Variants in DCAF1 observed in about 807,000 individuals in gnomAD.
DCAF1 encodes the protein DDB1- and CUL4-associated factor 1.
A neutral mutation model predicts 128.0 loss-of-function variants in DCAF1; 15 were observed. The ratio of observed to expected loss-of-function variants is 0.12; its 90% CI spans 0.08 to 0.18. The LOEUF is 0.18. DCAF1 is among the 10% of genes least tolerant of loss of function. DCAF1 has a pLI of 1.00. For missense variants in DCAF1, 988 were observed against 1,649.5 expected, an observed-to-expected ratio of 0.60 and a Z score of 6.95; for synonymous variants, 610 against 603.0, an observed-to-expected ratio of 1.01 and a Z score of -0.17.
At chr3:51,489,673 G>A (rs967489601) in intron 2 of DCAF1, among the ~76,000 whole-genome samples, 6 of 151,982 alleles carry the variant, frequency 3.9e-5, no homozygotes, top group African/African-American at 1.4e-4. Flanking sequence ...TGTAATCCCA[G>A]CTTCGGGGGA....
At position 51,418,109 on chromosome 3, in the gene DCAF1, T is replaced by C. The variant is rs782718011; in HGVS notation, c.3518+7A>G. On this transcript the variant is annotated splice_region_variant and intron_variant, in intron 17 of 24. Transcript: ENST00000684031. ...GCACAGACTAGGTTCCAAAAGCAGA[T>C]ACATACTTCATATCAAATACTGACT... 6.2e-7 allele frequency: 1 copy of C among 1,609,362 alleles called. No homozygotes were observed. Among genetic ancestry groups the C allele is most frequent in the Non-Finnish European group, 8.5e-7 (1 of 1,177,942 alleles).
At chr3:51,445,622 A>C (rs1553640052) in intron 6 of DCAF1, among the ~76,000 whole-genome samples, 1 of 152,158 alleles carries the variant, frequency 6.6e-6, no homozygotes. Context: ...TATTGGCTTG[A>C]CCAATAATGG....
intron 6 of DCAF1, among the ~76,000 whole-genome samples, chr3:51,459,141 C>A (rs1434056700): frequency 6.6e-6 from 1 of 152,056 alleles, no homozygotes; most frequent in South Asian, 2.1e-4. Flanking sequence ...TTGAAAAGAT[C>A]AACAAAATTG....
intron 23 of DCAF1, among the ~76,000 whole-genome samples, chr3:51,411,163 G>GAAAA (rs1268364026): frequency 1.7e-5 from 1 of 58,826 alleles, no homozygotes; most frequent in African/African-American, 6.1e-5. Flanking sequence ...CTCCATCTCA[G>GAAAA]AAAAAAAAAA....
intron 10 of DCAF1, among the ~76,000 whole-genome samples, chr3:51,431,356 G>GA (rs879994256): frequency 1.5e-3 from 197 of 134,184 alleles, no homozygotes; most frequent in East Asian, 3.2e-3. Flanking sequence ...CGTCTCTACT[G>GA]AAAAAAAAAA....
chr3:51,483,063 CAGGAGGCGGAGGTTACAGT>C, intron 3 of DCAF1, among the ~76,000 whole-genome samples: 1 of 149,350 alleles, frequency 6.7e-6, no homozygotes, highest in Non-Finnish European at 1.5e-5. Context: ...TGCTTGAACC[CAGGAGGCGGAGGTTACAGT>C]AAGCTGAGAT....
intron 3 of DCAF1, among the ~76,000 whole-genome samples, chr3:51,472,912 G>A (rs970765516): frequency 6.7e-6 from 1 of 149,678 alleles, no homozygotes; most frequent in Non-Finnish European, 1.5e-5. Context: ...TGATCTGCCC[G>A]CCTCAGCCTC....
At chr3:51,478,419 T>C (rs1390104239) in intron 3 of DCAF1, among the ~76,000 whole-genome samples, 8 of 152,292 alleles carry the variant, frequency 5.3e-5, no homozygotes. Flanking sequence ...GGATAAAATA[T>C]GATAATGTAA....
chr3:51,409,210 G>A (rs1698177770), intron 23 of DCAF1, among the ~76,000 whole-genome samples: 1 of 152,218 alleles, frequency 6.6e-6, no homozygotes, highest in Non-Finnish European at 1.5e-5. Context: ...AAGCCTTCCT[G>A]GAGAGAGTGG....
chr3:51,442,143 C>G (rs1553639002), intron 7 of DCAF1, among the ~76,000 whole-genome samples: 1 of 152,100 alleles, frequency 6.6e-6, no homozygotes, highest in Non-Finnish European at 1.5e-5. Context: ...TAAAATACAT[C>G]ATTGACAACT....
intron 6 of DCAF1, among the ~76,000 whole-genome samples, chr3:51,454,361 TTTTA>T (rs1390607991): frequency 1.3e-5 from 2 of 152,092 alleles, no homozygotes; most frequent in Non-Finnish European, 2.9e-5. Flanking sequence ...AATTTTTCTC[TTTTA>T]TTTATTTATT....
chr3:51,406,143 A>C (rs1644171798), intron 23 of DCAF1, among the ~76,000 whole-genome samples: 2 of 152,054 alleles, frequency 1.3e-5, no homozygotes, highest in East Asian at 1.9e-4. Flanking sequence ...GGAGATCAAG[A>C]CCATCCCGGC....
At chr3:51,449,613 A>G (rs1304903523) in intron 6 of DCAF1, among the ~76,000 whole-genome samples, 1 of 152,220 alleles carries the variant, frequency 6.6e-6, no homozygotes, top group East Asian at 1.9e-4. Context: ...GCCACTAGAA[A>G]AAAACAATAC....
At chr3:51,496,108 A>G (rs1708206599) in intron 2 of DCAF1, among the ~76,000 whole-genome samples, 1 of 152,084 alleles carries the variant, frequency 6.6e-6, no homozygotes, top group Admixed American at 6.6e-5. Flanking sequence ...CCTGACTAAT[A>G]TGGAGAAACC....
intron 5 of DCAF1, among the ~76,000 whole-genome samples, chr3:51,465,173 T>C (rs1231544109): frequency 6.6e-6 from 1 of 152,160 alleles, no homozygotes; most frequent in African/African-American, 2.4e-5. Flanking sequence ...CTGGAGGGAT[T>C]TGTGAAGTTT....
intron 6 of DCAF1, among the ~76,000 whole-genome samples, chr3:51,452,094 G>A (rs1702416595): frequency 6.6e-6 from 1 of 151,856 alleles, no homozygotes; most frequent in South Asian, 2.1e-4. Context: ...CTGTCTCCCA[G>A]GCTGGAAAGC....
rs74708037 is a variant in DCAF1, at chr3:51,410,344, C to G, written c.4212+2035G>C. 4.5e-3 allele frequency among the ~76,000 whole-genome samples: 685 copies of G among 152,326 alleles called. 4 individuals carry two copies. The highest frequency in any genetic ancestry group is 0.016 in the African/African-American group (658 of 41,576). On this transcript the variant is annotated intron_variant, in intron 23 of 24. Coordinates refer to ENST00000684031, the MANE Select transcript of DCAF1 (RefSeq NM_001387579.1). ...ACAGTGAAGACCAAGAGAGCACACA[C>G]AGGGGATTTTAGGTTGAGTCTCTGT...
chr3:51,441,201 T>A, intron 8 of DCAF1, 130 bp from the exon 9 acceptor site: 1 of 1,155,834 alleles, frequency 8.7e-7, no homozygotes, highest in Non-Finnish European at 1.2e-6. Flanking sequence ...GATAAACGTG[T>A]AAATGCACTT....
intron 6 of DCAF1, among the ~76,000 whole-genome samples, chr3:51,444,457 T>G (rs917185527): frequency 3.9e-5 from 6 of 151,966 alleles, no homozygotes. Flanking sequence ...TTCAAGCGAT[T>G]CTCCTGCCTC....
Sources: gnomAD v4.1 joint callset for allele counts (sites outside exome capture counted in the v4.1 genomes callset) on GRCh38, gnomAD v4.1.1 for gene constraint, MANE v1.5 for transcripts, NCBI Gene and HGNC (gene_info 2026-07-23, HGNC 2026-07-21) for gene names.